CELF2: variants seen among roughly 807,000 people sequenced by gnomAD.
CELF2 encodes the protein CUGBP Elav-like family member 2, also known as CUG triplet repeat RNA-binding protein 2.
A neutral mutation model predicts 62.6 loss-of-function variants in CELF2; 8 were observed. That is an observed-to-expected ratio of 0.13 (90% CI 0.07 to 0.23). The LOEUF is 0.23. CELF2 is among the 10% of genes least tolerant of loss of function. The pLI, the probability that CELF2 is intolerant of heterozygous loss-of-function variation, is 1.00. For synonymous variants in CELF2, 258 were observed against 250.0 expected, an observed-to-expected ratio of 1.03 and a Z score of -0.30; for missense variants, 333 against 671.0, an observed-to-expected ratio of 0.50 and a Z score of 5.56.
At chr10:10,946,971 A>G (rs1440389280) in intron 2 of CELF2, 1 of 152,228 alleles carries the variant, frequency 6.6e-6, no homozygotes, top group Non-Finnish European at 1.5e-5. Context: ...ACATTTTAAA[A>G]TCTCTGCCTG....
At chr10:10,689,793 A>G in the CELF2 span, among the ~76,000 whole-genome samples, 247 of 152,354 alleles carry the variant, frequency 1.6e-3, 1 homozygote, top group African/African-American at 5.8e-3. Context: ...TTCATTTCAC[A>G]TTATGCAACA....
Position 11,220,640 on chromosome 10 carries a change from CT to C in CELF2, c.354+3134del, listed in dbSNP as rs1565381259. Among the ~76,000 whole-genome samples the C allele has an allele frequency of 6.6e-6, 1 of 152,160 alleles. No homozygotes were observed. The highest frequency in any genetic ancestry group is 1.9e-4 in the East Asian group (1 of 5,196). The stretch of plus-strand genomic sequence containing the variant: ...AAGAAGACGCTCTGTTTTACATCCC[CT>C]GAAATTCTCAACATAAACCCTAGAA... On this transcript the variant is annotated intron_variant, in intron 3 of 12. Transcript: ENST00000633077. This position sits in a 1 kb window ranked among gnomAD's most constrained non-coding sequence, Gnocchi z 4.4.
intron 1 of CELF2, among the ~76,000 whole-genome samples, chr10:11,088,422 TA>T (rs1442342947): frequency 6.6e-6 from 1 of 152,194 alleles, no homozygotes; most frequent in African/African-American, 2.4e-5. Context: ...CATGCTGGGC[TA>T]GGGGGTTGGA....
intron 1 of CELF2, among the ~76,000 whole-genome samples, chr10:11,077,243 G>T (rs1355383732): frequency 6.6e-6 from 1 of 152,220 alleles, no homozygotes; most frequent in African/African-American, 2.4e-5. Flanking sequence ...GGAGGAATGT[G>T]TGCCAACACC....
the CELF2 span, among the ~76,000 whole-genome samples, chr10:10,565,519 G>C: frequency 6.6e-6 from 1 of 152,224 alleles, no homozygotes; most frequent in Non-Finnish European, 1.5e-5. Flanking sequence ...CTAAGCAGAT[G>C]TGTTGGATGA....
intron 2 of CELF2, chr10:11,168,898 A>G (rs1276299291): frequency 6.6e-6 from 1 of 152,298 alleles, no homozygotes; most frequent in East Asian, 1.9e-4. Flanking sequence ...ACTCTGGCTC[A>G]GTAAACTCTC....
intron 1 of CELF2, among the ~76,000 whole-genome samples, chr10:10,893,931 G>A (rs2062348573): frequency 6.6e-6 from 1 of 152,160 alleles, no homozygotes; most frequent in Admixed American, 6.6e-5. Flanking sequence ...ACGAGATTTG[G>A]GTGGGGACAC....
chr10:11,210,884 C>G (rs532025257), intron 2 of CELF2, among the ~76,000 whole-genome samples: 4 of 152,302 alleles, frequency 2.6e-5, no homozygotes, highest in African/African-American at 9.6e-5. Context: ...GTATGTATCA[C>G]AATACCACAT....
chr10:10,646,099 T>A, the CELF2 span, among the ~76,000 whole-genome samples: 2 of 152,322 alleles, frequency 1.3e-5, no homozygotes, highest in African/African-American at 4.8e-5. Flanking sequence ...TGGGCAGATA[T>A]TAGGCAGTTA....
chr10:10,899,441 G>T (rs1164632481), intron 1 of CELF2, among the ~76,000 whole-genome samples: 1 of 152,106 alleles, frequency 6.6e-6, no homozygotes, highest in Non-Finnish European at 1.5e-5. Flanking sequence ...ACAACTTTAT[G>T]CCAATAGATT....
the CELF2 span, among the ~76,000 whole-genome samples, chr10:10,650,586 T>G: frequency 6.6e-6 from 1 of 152,124 alleles, no homozygotes; most frequent in African/African-American, 2.4e-5. Context: ...CAAAATGAAA[T>G]AGTACACAGC....
rs2061041127 is a variant in CELF2 at position 10,875,703 on chromosome 10, C to T, written c.54-44261C>T. Among the ~76,000 whole-genome samples, 4 of 149,726 alleles carry T rather than the reference C, an allele frequency of 2.7e-5. No homozygotes were observed. In the South Asian group the frequency reaches 8.9e-4, roughly 33 times the overall value. On this transcript the variant is annotated intron_variant, in intron 1 of 13. Transcript: ENST00000636488. ...ACATCTAATCCTAGAAAAGAATCTG[C>T]ATTTTTTTTTCTCTAAAAGCTTGAT...
intron 1 of CELF2, among the ~76,000 whole-genome samples, chr10:11,155,826 T>G (rs1399840907): frequency 2.0e-5 from 3 of 152,220 alleles, no homozygotes; most frequent in Admixed American, 2.0e-4. Context: ...AACCTCACAC[T>G]GCTGGCTGCC....
intron 1 of CELF2, among the ~76,000 whole-genome samples, chr10:11,106,012 A>G (rs921690963): frequency 2.0e-5 from 3 of 152,204 alleles, no homozygotes; most frequent in African/African-American, 7.2e-5. Flanking sequence ...TTTTGATAGA[A>G]TGTGGTTACT....
intron 5 of CELF2, among the ~76,000 whole-genome samples, chr10:11,264,634 T>G (rs1392380703): frequency 1.3e-5 from 2 of 152,222 alleles, no homozygotes; most frequent in African/African-American, 4.8e-5. Context: ...GAGATGTTAC[T>G]TGGAAACAGA....
rs371455118 is a variant in CELF2 at position 11,159,489 on chromosome 10, G to T, written c.75-5997G>T. ...ACTCCTCTTCCTAAATCGAAAGGAT[G>T]CGCTAAGTTGAGCATGGACAGGGCG... On this transcript the variant is annotated intron_variant, in intron 1 of 12. Coordinates refer to ENST00000633077, the MANE Select transcript of CELF2 (RefSeq NM_001326342.2). The surrounding 1 kb of genome is among the most constrained non-coding windows in gnomAD (Gnocchi z 5.0). Among the ~76,000 whole-genome samples the T allele has an allele frequency of 6.6e-6, 1 of 152,204 alleles. No homozygotes were observed. The highest frequency in any genetic ancestry group is 2.4e-5 in the African/African-American group (1 of 41,446).
intron 1 of CELF2, chr10:11,030,984 C>T (rs1564443318): frequency 6.6e-6 from 1 of 152,178 alleles, no homozygotes. Flanking sequence ...GACACTTATT[C>T]TTCATTTATG....
chr10:11,000,169 GT>G (rs2054376961), intron 2 of CELF2, among the ~76,000 whole-genome samples: 1 of 152,082 alleles, frequency 6.6e-6, no homozygotes, highest in Non-Finnish European at 1.5e-5. Context: ...TTGTTTGTTT[GT>G]TTGTTTTTTT....
chr10:10,602,386 C>T, the CELF2 span, among the ~76,000 whole-genome samples: 2 of 152,146 alleles, frequency 1.3e-5, no homozygotes, highest in South Asian at 4.1e-4. Flanking sequence ...TTCACTCTTA[C>T]TCATGTGTAG....
Sources: allele counts gnomAD v4.1 joint callset (sites outside exome capture counted in the v4.1 genomes callset), GRCh38; gene constraint gnomAD v4.1.1; non-coding constraint Gnocchi (gnomAD v3.1); transcripts MANE v1.5; gene names NCBI Gene and HGNC (gene_info 2026-07-23, HGNC 2026-07-21).